NCKAP5: variants seen among roughly 807,000 people sequenced by gnomAD.
The protein encoded by NCKAP5 is NCK associated protein 5.
Under a neutral mutation model 167.0 loss-of-function variants are expected in NCKAP5, and 92 were observed. That is an observed-to-expected ratio of 0.55 (90% confidence interval 0.47 to 0.66). The LOEUF is 0.66. NCKAP5 is among the 30% of genes least tolerant of loss of function. The probability of loss-of-function intolerance (pLI) is 0.00; values close to 1 mark genes in which losing one functional copy is unlikely to be tolerated. For missense variants in NCKAP5, 2,378 were observed against 2,315.0 expected (o/e 1.03, Z -0.56); for synonymous variants, 891 against 877.4 (o/e 1.02, Z -0.27).
chr2:133,552,326 C>A (rs1687386213), intron 2 of NCKAP5, among the ~76,000 whole-genome samples: 1 of 114,670 alleles, frequency 8.7e-6, no homozygotes, highest in Non-Finnish European at 1.7e-5. Flanking sequence ...TTCACAATAG[C>A]AAAGACTTGG....
intron 2 of NCKAP5, among the ~76,000 whole-genome samples, chr2:133,545,352 A>C (rs1162891519): frequency 2.6e-5 from 4 of 152,286 alleles, no homozygotes; most frequent in East Asian, 3.9e-4. Flanking sequence ...AGCTAGCGGA[A>C]GCTGGCTGAC....
At chr2:133,169,446 G>C (rs1421561030) in intron 5 of NCKAP5, among the ~76,000 whole-genome samples, 1 of 152,196 alleles carries the variant, frequency 6.6e-6, no homozygotes, top group Non-Finnish European at 1.5e-5. Flanking sequence ...CGACAGAACA[G>C]CTAGATGGTT....
At chr2:133,112,636 T>C (rs2081954546) in intron 6 of NCKAP5, among the ~76,000 whole-genome samples, 1 of 152,236 alleles carries the variant, frequency 6.6e-6, no homozygotes, top group South Asian at 2.1e-4. Context: ...AATGTTAACT[T>C]GCAGCTGAAA....
chr2:132,837,172 T>TA (rs1377429392), intron 11 of NCKAP5, among the ~76,000 whole-genome samples: 1 of 152,164 alleles, frequency 6.6e-6, no homozygotes, highest in Non-Finnish European at 1.5e-5. Flanking sequence ...CCTGTAGCTG[T>TA]CCCCACCCTT....
At chr2:132,763,365 C>T (rs1221814742) in intron 16 of NCKAP5, among the ~76,000 whole-genome samples, 1 of 152,144 alleles carries the variant, frequency 6.6e-6, no homozygotes, top group Non-Finnish European at 1.5e-5. Flanking sequence ...TCCAGTGTGC[C>T]ATGCGCCTTC....
At chr2:133,320,900 C>T (rs1268310054) in intron 3 of NCKAP5, among the ~76,000 whole-genome samples, 5 of 152,170 alleles carry the variant, frequency 3.3e-5, no homozygotes, top group Non-Finnish European at 4.4e-5. Context: ...CACAATCACA[C>T]GTTTCCCCAT....
At chr2:133,057,799 GA>G (rs1156971997) in intron 6 of NCKAP5, among the ~76,000 whole-genome samples, 1 of 152,196 alleles carries the variant, frequency 6.6e-6, no homozygotes, top group Non-Finnish European at 1.5e-5. Context: ...AGATAAAGAT[GA>G]CTACACTAAA....
chr2:133,469,462 C>A (rs1692874378), intron 3 of NCKAP5, among the ~76,000 whole-genome samples: 1 of 152,060 alleles, frequency 6.6e-6, no homozygotes. Flanking sequence ...TTCATTTCAA[C>A]TTTGGTGAAT....
chr2:133,147,126 C>G (rs570772626), intron 5 of NCKAP5, among the ~76,000 whole-genome samples: 1 of 152,112 alleles, frequency 6.6e-6, no homozygotes, highest in East Asian at 1.9e-4. Flanking sequence ...ACCAAGTGGA[C>G]GGACAAACAC....
At chr2:133,533,157 T>C (rs896986385) in intron 2 of NCKAP5, among the ~76,000 whole-genome samples, 1 of 152,212 alleles carries the variant, frequency 6.6e-6, no homozygotes, top group Non-Finnish European at 1.5e-5. Flanking sequence ...ATGACTAATA[T>C]GTTGGGAAGG....
chr2:133,587,632 G>A, the NCKAP5 span, among the ~76,000 whole-genome samples: 4 of 152,204 alleles, frequency 2.6e-5, no homozygotes, highest in African/African-American at 9.6e-5. Context: ...CATCAATAAA[G>A]TGTTTGGCCC....
intron 5 of NCKAP5, among the ~76,000 whole-genome samples, chr2:133,150,954 A>C (rs2149885609): frequency 6.6e-6 from 1 of 152,358 alleles, no homozygotes; most frequent in East Asian, 1.9e-4. Context: ...TTGAGTGAGA[A>C]GAGTAAATAC....
chr2:133,082,046 C>T (rs181736678), intron 6 of NCKAP5, among the ~76,000 whole-genome samples: 19 of 152,200 alleles, frequency 1.2e-4, no homozygotes, highest in South Asian at 1.2e-3. Flanking sequence ...CACCCTCCAC[C>T]CTCAAGTAGG....
intron 6 of NCKAP5, among the ~76,000 whole-genome samples, chr2:133,069,518 T>C (rs943330603): frequency 6.6e-6 from 1 of 152,216 alleles, no homozygotes; most frequent in Non-Finnish European, 1.5e-5. Flanking sequence ...TTACAAAAAT[T>C]AGGCATTAAT....
intron 8 of NCKAP5, among the ~76,000 whole-genome samples, chr2:132,882,037 C>T (rs934986867): frequency 1.3e-5 from 2 of 152,152 alleles, no homozygotes; most frequent in African/African-American, 4.8e-5. Context: ...AACATCAATT[C>T]TGATAATTTT....
chr2:133,363,518 C>A (rs1484599607), intron 3 of NCKAP5, among the ~76,000 whole-genome samples: 2 of 152,148 alleles, frequency 1.3e-5, no homozygotes, highest in Non-Finnish European at 1.5e-5. Flanking sequence ...TACTCATTTT[C>A]ATCATCGACA....
chr2:133,103,258 A>G (rs978687092), intron 6 of NCKAP5, among the ~76,000 whole-genome samples: 2 of 152,204 alleles, frequency 1.3e-5, no homozygotes, highest in Non-Finnish European at 2.9e-5. Context: ...TACTTTTTGA[A>G]TACTATTTCC....
chr2:133,338,784 G>C (rs1421420618), intron 3 of NCKAP5, among the ~76,000 whole-genome samples: 1 of 152,188 alleles, frequency 6.6e-6, no homozygotes. Flanking sequence ...GAGGCAGGCA[G>C]ATCACTTGAG....
intron 3 of NCKAP5, among the ~76,000 whole-genome samples, chr2:133,415,271 C>G (rs1689038278): frequency 6.6e-6 from 1 of 152,248 alleles, no homozygotes; most frequent in South Asian, 2.1e-4. Context: ...CCAGTGGCCA[C>G]TAATCTGACC....
Sources: allele counts gnomAD v4.1 joint callset (sites outside exome capture counted in the v4.1 genomes callset), GRCh38; gene constraint gnomAD v4.1.1; transcripts MANE v1.5; gene names NCBI Gene and HGNC (gene_info 2026-07-23, HGNC 2026-07-21).